Variants in ALKBH3 observed in about 807,000 individuals in gnomAD.
ALKBH3 encodes the protein alpha-ketoglutarate-dependent dioxygenase alkB homolog 3.
In ALKBH3, 51 loss-of-function variants were observed where a neutral mutation model predicts 43.9. That is an observed-to-expected ratio of 1.16 (90% CI 0.93 to 1.47). ALKBH3 has a LOEUF of 1.47. ALKBH3 is among the 40% of genes most tolerant of loss of function. The pLI, the probability that ALKBH3 is intolerant of heterozygous loss-of-function variation, is 0.00. For missense variants in ALKBH3, 361 were observed against 351.9 expected (o/e 1.03, Z -0.21); for synonymous variants, 102 against 115.2 (o/e 0.89, Z 0.73).
At position 43,901,667 on chromosome 11, in the gene ALKBH3, T is replaced by C; in HGVS notation, c.611T>C (p.Ile204Thr). Residue 204 changes from isoleucine (I) to threonine (T), a missense_variant, in exon 8 of 10, where the codon ATT becomes ACT. Coordinates refer to ENST00000302708, the MANE Select transcript of ALKBH3 (RefSeq NM_139178.4). Reference protein sequence around the residue: ...DEPSLGRCPIIASLSFGATRT... With the variant: ...DEPSLGRCPITASLSFGATRT... ...CCCTCACTAGGGAGGTGCCCCATTA[T>C]TGCTTCACTAAGTTTTGGTGCCACA... The C allele has an allele frequency of 6.2e-7, 1 of 1,614,254 alleles. No individual in the cohort carries two copies. The highest frequency in any genetic ancestry group is 8.5e-7 in the Non-Finnish European group (1 of 1,180,046).
At chr11:43,898,164 G>A (rs992221042) in intron 7 of ALKBH3, 7 of 1,233,138 alleles carry the variant, frequency 5.7e-6, no homozygotes, top group Non-Finnish European at 7.2e-6. Context: ...ACTACATCAA[G>A]AGATACCTGG....
chr11:43,893,474 T>G (rs1951797943), intron 7 of ALKBH3, among the ~76,000 whole-genome samples: 1 of 152,264 alleles, frequency 6.6e-6, no homozygotes, highest in Non-Finnish European at 1.5e-5. Context: ...TTCAAAATAA[T>G]TTATGACAAT....
intron 8 of ALKBH3, among the ~76,000 whole-genome samples, chr11:43,906,512 T>C (rs1394694893): frequency 6.6e-6 from 1 of 152,200 alleles, no homozygotes; most frequent in Non-Finnish European, 1.5e-5. Context: ...ATCCTTCCTA[T>C]TAATCCATCT....
At chr11:43,907,520 C>G (rs1382483829) in intron 8 of ALKBH3, among the ~76,000 whole-genome samples, 1 of 152,124 alleles carries the variant, frequency 6.6e-6, no homozygotes, top group Non-Finnish European at 1.5e-5. Context: ...GCTTGCAAAC[C>G]TGGCTTTTTT....
chr11:43,916,514 G>C (rs1044393040), intron 8 of ALKBH3, among the ~76,000 whole-genome samples: 21 of 152,094 alleles, frequency 1.4e-4, no homozygotes, highest in Non-Finnish European at 1.5e-5. Context: ...ACCAGGATGA[G>C]TGATGGAAAA....
Position 43,919,953 on chromosome 11 carries a change from G to A in ALKBH3, c.804G>A (p.Pro268=), listed in dbSNP as rs762206016. The part of the protein sequence containing the change: ...RVPKEYHSRE[P]RVNLTFRTVY... ...CCAAAGAATACCACTCTAGAGAACC[G>A]AGAGTGAACCTGACCTTTCGGACAG... The change falls in exon 10 of 10, where the codon CCG becomes CCA. Residue 268 remains proline (P), a synonymous_variant. Coordinates refer to ENST00000302708, the MANE Select transcript of ALKBH3 (RefSeq NM_139178.4). 10 of 1,614,134 alleles carry A rather than the reference G, an allele frequency of 6.2e-6. No homozygotes were observed. Among genetic ancestry groups the A allele is most frequent in the Admixed American group, 1.7e-5 (1 of 60,012 alleles).
At chr11:43,901,071 A>G (rs532102236) in intron 7 of ALKBH3, among the ~76,000 whole-genome samples, 1 of 152,360 alleles carries the variant, frequency 6.6e-6, no homozygotes, top group African/African-American at 2.4e-5. Flanking sequence ...AGGGCCACCC[A>G]GCAGGAAAGT....
At chr11:43,904,515 T>G (rs1951883276) in intron 8 of ALKBH3, among the ~76,000 whole-genome samples, 2 of 152,336 alleles carry the variant, frequency 1.3e-5, no homozygotes, top group African/African-American at 2.4e-5. Flanking sequence ...CCAGAACCTG[T>G]AAAGTCCATT....
chr11:43,883,036 T>A (rs1326605723), intron 2 of ALKBH3, 49 bp from the exon 3 acceptor site: 1 of 1,506,072 alleles, frequency 6.6e-7, no homozygotes. Flanking sequence ...TAGAAGGTGC[T>A]GAGAACAGAC....
rs1035530315 is a variant in ALKBH3 at position 43,880,894 on chromosome 11, C to T, written c.-356C>T. ...GGGGCTGCGAGGGCTGCCCCAAGTC[C>T]TACCGGGTTTGCACGGGCGCGCCCG... On this transcript the variant is annotated 5_prime_UTR_variant, in exon 1 of 10. Coordinates refer to ENST00000302708, the MANE Select transcript of ALKBH3 (RefSeq NM_139178.4). 1 of 152,416 alleles carries T rather than the reference C, an allele frequency of 6.6e-6. No individual in the cohort carries two copies. The highest frequency in any genetic ancestry group is 2.4e-5 in the African/African-American group (1 of 41,464). 9.4% of individuals were successfully genotyped at this position (152,416 alleles called of 1,614,324 possible). A position where few individuals can be genotyped will look rare whatever the true frequency, so the allele number is the denominator to read the frequency against.
chr11:43,912,855 G>C (rs958987854), intron 8 of ALKBH3, among the ~76,000 whole-genome samples: 2 of 151,956 alleles, frequency 1.3e-5, no homozygotes, highest in African/African-American at 4.8e-5. Flanking sequence ...TCCTTATCAG[G>C]AAAGTACATT....
intron 6 of ALKBH3, among the ~76,000 whole-genome samples, chr11:43,891,702 C>A (rs549763922): frequency 6.6e-6 from 1 of 152,312 alleles, no homozygotes; most frequent in African/African-American, 2.4e-5. Flanking sequence ...GTTCAGTCTC[C>A]ATATTCTGCT....
chr11:43,902,753 C>T (rs1480877984), intron 8 of ALKBH3, among the ~76,000 whole-genome samples: 1 of 152,204 alleles, frequency 6.6e-6, no homozygotes, highest in East Asian at 1.9e-4. Context: ...TGTGCCAGGA[C>T]CCCTGGCTAA....
intron 6 of ALKBH3, among the ~76,000 whole-genome samples, 163 bp downstream of exon 6, chr11:43,889,991 C>T (rs778738578): frequency 9.2e-5 from 14 of 152,194 alleles, no homozygotes; most frequent in Admixed American, 5.9e-4. Flanking sequence ...GAAGAGTATT[C>T]CAGGCAGGAG....
At chr11:43,900,633 T>C (rs1352396562) in intron 7 of ALKBH3, among the ~76,000 whole-genome samples, 1 of 152,190 alleles carries the variant, frequency 6.6e-6, no homozygotes, top group Non-Finnish European at 1.5e-5. Flanking sequence ...TTCTTTGGGC[T>C]CCTCAATAAT....
At chr11:43,903,780 AG>A (rs778031855) in intron 8 of ALKBH3, among the ~76,000 whole-genome samples, 4 of 152,154 alleles carry the variant, frequency 2.6e-5, no homozygotes, top group Non-Finnish European at 5.9e-5. Context: ...ATAGATTTGA[AG>A]CTTAAGAATT....
At chr11:43,898,559 G>A (rs62621391) in intron 7 of ALKBH3, 10,529 of 767,550 alleles carry the variant, frequency 0.014, 183 homozygotes, top group African/African-American at 0.062. Context: ...GAGCTAAGGC[G>A]ATGTGAAGAG....
intron 4 of ALKBH3, among the ~76,000 whole-genome samples, chr11:43,884,847 G>C (rs1029448772): frequency 3.3e-5 from 5 of 152,096 alleles, no homozygotes; most frequent in Non-Finnish European, 7.3e-5. Context: ...CATCTTCTGG[G>C]CTCAAGTGAT....
Position 43,901,634 on chromosome 11 carries a change from A to T in ALKBH3, c.578A>T (p.Asp193Val). 1 of 1,614,258 alleles carries T rather than the reference A, an allele frequency of 6.2e-7. No homozygotes were observed. The highest frequency in any genetic ancestry group is 1.1e-5 in the South Asian group (1 of 91,086). Residue 193 changes from aspartate to valine, a missense_variant, in exon 8 of 10, where the codon GAT becomes GTT. Coordinates refer to ENST00000302708, the MANE Select transcript of ALKBH3 (RefSeq NM_139178.4). ...NEKDSVDWHS[D>V]DEPSLGRCPI... ...AAGGACAGCGTGGACTGGCACAGTGATGATGAACCCTCACTAGGGAGGTGC... is the reference window on the plus strand; with the variant it reads ...AAGGACAGCGTGGACTGGCACAGTGTTGATGAACCCTCACTAGGGAGGTGC...
Sources: gnomAD v4.1 joint callset for allele counts (sites outside exome capture counted in the v4.1 genomes callset) on GRCh38, gnomAD v4.1.1 for gene constraint, MANE v1.5 for transcripts, NCBI Gene and HGNC (gene_info 2026-07-23, HGNC 2026-07-21) for gene names.